The following BCAS3 variants were observed in gnomAD, a reference collection of about 807,000 sequenced individuals.
The protein encoded by BCAS3 is BCAS4/BCAS3 fusion.
Under a neutral mutation model 116.1 loss-of-function variants are expected in BCAS3, and 53 were observed. The observed-to-expected ratio is 0.46, with a 90% CI of 0.37 to 0.57. The LOEUF (loss-of-function observed/expected upper bound fraction) is 0.57, where lower values mean the gene tolerates loss of function less well. Ranked by LOEUF, BCAS3 falls within the 20% of genes least tolerant of loss-of-function variation. BCAS3 has a pLI of 0.00. For synonymous variants in BCAS3, 391 were observed against 408.2 expected (o/e 0.96, Z 0.51); for missense variants, 917 against 1,165.4 (o/e 0.79, Z 3.10).
rs886374482 is a variant in BCAS3, at chr17:61,095,843, G to A, written c.2425+11279G>A. On this transcript the variant is annotated intron_variant, in intron 22 of 23. Coordinates refer to ENST00000407086, the MANE Select transcript of BCAS3 (RefSeq NM_017679.5). The surrounding 1 kb of genome is among the most constrained non-coding windows in gnomAD (Gnocchi z 4.7). ...GAAAACCACTGGTATGCATATTCTC[G>A]TACACACACACACACACACACACAC... Among the ~76,000 whole-genome samples the A allele has an allele frequency of 1.1e-4, 15 of 140,056 alleles. No homozygotes were observed. The highest frequency in any genetic ancestry group is 7.6e-4 in the Admixed American group (11 of 14,462). 91.9% of individuals were successfully genotyped at this position (140,056 alleles called of 152,430 possible).
At chr17:61,002,447 G>A (rs897562631) in intron 15 of BCAS3, 1 of 148,460 alleles carries the variant, frequency 6.7e-6, no homozygotes, top group African/African-American at 2.6e-5. Flanking sequence ...TGGTTAATGA[G>A]ACATGCCTCT....
chr17:61,089,294 T>C (rs111555878), intron 22 of BCAS3, among the ~76,000 whole-genome samples: 6,897 of 151,956 alleles, frequency 0.045, 531 homozygotes, highest in African/African-American at 0.16. Flanking sequence ...GCATTTGGTA[T>C]ATCACCTTAA....
chr17:61,385,764 A>C (rs916103831), intron 23 of BCAS3, among the ~76,000 whole-genome samples: 4 of 152,266 alleles, frequency 2.6e-5, no homozygotes, highest in Non-Finnish European at 2.9e-5. Context: ...AGGTGGATGC[A>C]GGAGGGAAAA....
chr17:61,078,199 G>T, intron 20 of BCAS3, 134 bp from the exon 21 acceptor site: 1 of 638,408 alleles, frequency 1.6e-6, no homozygotes, highest in Non-Finnish European at 2.7e-6. Flanking sequence ...TTTAATTATG[G>T]GTGTCCTATC....
rs1463501395 is a variant in BCAS3 at position 61,325,354 on chromosome 17, G to C, written c.2426-42973G>C. Among the ~76,000 whole-genome samples, 2 of 152,162 alleles carry C rather than the reference G, an allele frequency of 1.3e-5. No homozygotes were observed. Among genetic ancestry groups the C allele is most frequent in the Admixed American group, 6.5e-5 (1 of 15,270 alleles). On this transcript the variant is annotated intron_variant, in intron 22 of 23. Transcript: ENST00000407086. The surrounding 1 kb of genome is among the most constrained non-coding windows in gnomAD (Gnocchi z 6.4). The stretch of plus-strand genomic sequence containing the variant: ...TCCTGTCCTGCACATACTCGGCGTG[G>C]CCTCTCCCCACCCTGCCCTGAACAG...
At chr17:60,726,552 C>T (rs1457916306) in intron 5 of BCAS3, among the ~76,000 whole-genome samples, 2 of 149,804 alleles carry the variant, frequency 1.3e-5, no homozygotes, top group Non-Finnish European at 3.0e-5. Context: ...CTCTGTTGCC[C>T]AGGCTGGAGT....
Position 61,057,099 on chromosome 17 carries a change from T to C in BCAS3, c.2029+16207T>C, listed in dbSNP as rs139809799. Among the ~76,000 whole-genome samples, 411 of 152,318 alleles carry C rather than the reference T, an allele frequency of 2.7e-3. 1 individual carries two copies. The highest frequency in any genetic ancestry group is 9.3e-3 in the African/African-American group (388 of 41,572). On this transcript the variant is annotated intron_variant, in intron 19 of 23. Coordinates refer to ENST00000407086, the MANE Select transcript of BCAS3 (RefSeq NM_017679.5). ...TAAAACAAAAATGTCTTCTTTATGGTAGTGTTGTTTATATGTATATCTGCA... is the reference window on the plus strand; with the variant it reads ...TAAAACAAAAATGTCTTCTTTATGGCAGTGTTGTTTATATGTATATCTGCA...
At chr17:60,948,944 T>A (rs2060678647) in intron 14 of BCAS3, among the ~76,000 whole-genome samples, 1 of 151,274 alleles carries the variant, frequency 6.6e-6, no homozygotes, top group Non-Finnish European at 1.5e-5. Flanking sequence ...TGGTATGATC[T>A]CGGCTCACTG....
chr17:61,276,120 G>A lies in BCAS3; in HGVS notation c.2426-92207G>A, dbSNP rs1393954846. Reference sequence around the variant, plus strand: ...AATCTCAGCACTTTGGGAGGCTGAGGTGGGCGGATCATGAGGTCAGGAGTT... The same window carrying A: ...AATCTCAGCACTTTGGGAGGCTGAGATGGGCGGATCATGAGGTCAGGAGTT... On this transcript the variant is annotated intron_variant, in intron 22 of 23. Transcript: ENST00000407086. The surrounding 1 kb of genome is among the most constrained non-coding windows in gnomAD (Gnocchi z 4.2). Among the ~76,000 whole-genome samples the A allele has an allele frequency of 6.6e-6, 1 of 152,158 alleles. No homozygotes were observed. Among genetic ancestry groups the A allele is most frequent in the Non-Finnish European group, 1.5e-5 (1 of 68,040 alleles).
intron 11 of BCAS3, among the ~76,000 whole-genome samples, chr17:60,908,139 C>G (rs529147231): frequency 6.6e-6 from 1 of 152,130 alleles, no homozygotes; most frequent in South Asian, 2.1e-4. Flanking sequence ...ACTAAGACAA[C>G]TCCATCAATA....
chr17:61,232,655 T>C (rs1482464809), intron 22 of BCAS3, among the ~76,000 whole-genome samples: 1 of 152,182 alleles, frequency 6.6e-6, no homozygotes, highest in African/African-American at 2.4e-5. Context: ...GGTGTTCTCT[T>C]TCTTAAGAGG....
chr17:60,857,640 A>G (rs1440244443), intron 7 of BCAS3, among the ~76,000 whole-genome samples: 1 of 152,208 alleles, frequency 6.6e-6, no homozygotes, highest in Non-Finnish European at 1.5e-5. Flanking sequence ...AGGAAAATTA[A>G]GATTGTCTTG....
intron 23 of BCAS3, among the ~76,000 whole-genome samples, chr17:61,375,470 C>T (rs2059291159): frequency 6.6e-6 from 1 of 151,994 alleles, no homozygotes; most frequent in South Asian, 2.1e-4. Context: ...CAATCTAAGG[C>T]TACATTTCCA....
intron 20 of BCAS3, among the ~76,000 whole-genome samples, chr17:61,075,295 G>A (rs2071863880): frequency 6.6e-6 from 1 of 151,886 alleles, no homozygotes; most frequent in African/African-American, 2.4e-5. Context: ...TCCATTTAAA[G>A]CCTTAGGGCC....
At chr17:60,813,492 G>A (rs1222905306) in intron 7 of BCAS3, among the ~76,000 whole-genome samples, 6 of 152,078 alleles carry the variant, frequency 3.9e-5, no homozygotes, top group Admixed American at 2.6e-4. Context: ...GTTTAAATTC[G>A]TTATAGATTC....
intron 2 of BCAS3, among the ~76,000 whole-genome samples, chr17:60,683,661 G>A (rs995562687): frequency 2.7e-5 from 4 of 150,808 alleles, no homozygotes; most frequent in African/African-American, 4.9e-5. Flanking sequence ...GTGAAACACC[G>A]TCTCTACAAA....
chr17:60,702,264 C>T (rs1401521760), intron 4 of BCAS3, among the ~76,000 whole-genome samples: 1 of 152,158 alleles, frequency 6.6e-6, no homozygotes, highest in Non-Finnish European at 1.5e-5. Flanking sequence ...TCAAGAATTG[C>T]GAGTATTCGC....
intron 6 of BCAS3, among the ~76,000 whole-genome samples, chr17:60,788,230 G>A (rs115810578): frequency 6.6e-6 from 1 of 152,094 alleles, no homozygotes; most frequent in Non-Finnish European, 1.5e-5. Context: ...CAGTGAGTAA[G>A]GGTAACAGAA....
chr17:60,929,957 TC>T (rs1350761651), intron 13 of BCAS3, among the ~76,000 whole-genome samples: 1 of 152,030 alleles, frequency 6.6e-6, no homozygotes, highest in African/African-American at 2.4e-5. Flanking sequence ...ATTTTCTTAA[TC>T]CAGTCTATCA....
Sources: gnomAD v4.1 joint callset for allele counts (sites outside exome capture counted in the v4.1 genomes callset) on GRCh38, gnomAD v4.1.1 for gene constraint, Gnocchi (gnomAD v3.1) non-coding constraint, MANE v1.5 for transcripts, NCBI Gene and HGNC (gene_info 2026-07-23, HGNC 2026-07-21) for gene names.